CNOT10: variants seen among roughly 807,000 people sequenced by gnomAD.
The protein encoded by CNOT10 is CCR4-NOT transcription complex, subunit 10.
In CNOT10, 30 loss-of-function variants were observed where a neutral mutation model predicts 94.6. The observed-to-expected ratio is 0.32, with a 90% CI of 0.24 to 0.43. The LOEUF (loss-of-function observed/expected upper bound fraction) is 0.43, where lower values mean the gene tolerates loss of function less well. CNOT10 is among the 20% of genes least tolerant of loss of function. The pLI is 1.00. For missense variants in CNOT10, 759 were observed against 877.2 expected (o/e 0.87, Z 1.70); for synonymous variants, 289 against 301.6 (o/e 0.96, Z 0.43).
intron 13 of CNOT10, among the ~76,000 whole-genome samples, chr3:32,749,341 T>C (rs1018812213): frequency 2.0e-5 from 3 of 152,146 alleles, no homozygotes; most frequent in East Asian, 1.9e-4. Context: ...GGATTTACCA[T>C]GTCTTCCTAT....
In CNOT10 at chr3:32,696,212, A is replaced by G. The variant is rs113803277; in HGVS notation, c.23-7656A>G. On this transcript the variant is annotated intron_variant, in intron 1 of 18. Transcript: ENST00000328834. The stretch of plus-strand genomic sequence containing the variant: ...GCACCTATAATCCCAGCTACTCAGG[A>G]GGCTGAGGCAGGAGAATCACTTGAA... Among the ~76,000 whole-genome samples, 386 of 152,114 alleles carry G rather than the reference A, an allele frequency of 2.5e-3. 3 individuals carry two copies. Among genetic ancestry groups the G allele is most frequent in the African/African-American group, 8.8e-3 (364 of 41,468 alleles).
chr3:32,752,690 A>C (rs1700016647), intron 13 of CNOT10, among the ~76,000 whole-genome samples: 1 of 152,218 alleles, frequency 6.6e-6, no homozygotes, highest in South Asian at 2.1e-4. Flanking sequence ...AACAGTTGAA[A>C]GTTGGCTGAG....
At chr3:32,704,695 ATCTT>A (rs759295343) in intron 2 of CNOT10, 112 bp from the exon 3 acceptor site, 53 of 1,174,628 alleles carry the variant, frequency 4.5e-5, no homozygotes, top group Non-Finnish European at 6.1e-5. Flanking sequence ...GGGAAACTAC[ATCTT>A]TCTTTTTAAG....
chr3:32,746,573 T>A (rs981256211), intron 13 of CNOT10, among the ~76,000 whole-genome samples: 4 of 151,924 alleles, frequency 2.6e-5, no homozygotes, highest in African/African-American at 9.7e-5. Context: ...GCAGTGGCTC[T>A]CGCCTGTAAT....
chr3:32,687,219 A>T (rs1474452527), intron 1 of CNOT10, among the ~76,000 whole-genome samples: 1 of 151,806 alleles, frequency 6.6e-6, no homozygotes, highest in Admixed American at 6.6e-5. Flanking sequence ...TCTATGTCGC[A>T]TTGAGTAGTC....
chr3:32,760,853 G>A (rs779309036), intron 14 of CNOT10, among the ~76,000 whole-genome samples: 5 of 151,540 alleles, frequency 3.3e-5, no homozygotes, highest in South Asian at 2.1e-4. Flanking sequence ...TTAAGGCCAG[G>A]CGCTGTGGCT....
intron 8 of CNOT10, among the ~76,000 whole-genome samples, chr3:32,723,101 A>G (rs1035692818): frequency 6.6e-6 from 1 of 152,026 alleles, no homozygotes; most frequent in Non-Finnish European, 1.5e-5. Context: ...ATTTAGAAAA[A>G]CAATATTAAA....
chr3:32,764,342 A>C (rs962998859), intron 15 of CNOT10, 113 bp from the exon 16 acceptor site: 2 of 1,160,538 alleles, frequency 1.7e-6, no homozygotes, highest in Non-Finnish European at 2.4e-6. Context: ...ATCTCAAAAA[A>C]AAAAAAAAGA....
intron 1 of CNOT10, among the ~76,000 whole-genome samples, chr3:32,689,109 T>C (rs1045093788): frequency 2.6e-5 from 4 of 151,984 alleles, no homozygotes; most frequent in Admixed American, 6.6e-5. Flanking sequence ...TCCCAGGACT[T>C]TGGGAGGCCG....
intron 3 of CNOT10, among the ~76,000 whole-genome samples, chr3:32,705,174 A>C (rs1697556418): frequency 6.6e-6 from 1 of 152,126 alleles, no homozygotes; most frequent in Non-Finnish European, 1.5e-5. Flanking sequence ...TTGGGGTTTT[A>C]ATGAACTTGA....
At chr3:32,744,430 G>C (rs1699608220) in intron 13 of CNOT10, among the ~76,000 whole-genome samples, 1 of 151,958 alleles carries the variant, frequency 6.6e-6, no homozygotes, top group Non-Finnish European at 1.5e-5. Context: ...CACTTTTTAT[G>C]ATACGGGTTT....
Position 32,685,494 on chromosome 3 carries a change from A to G in CNOT10, c.22+12A>G, listed in dbSNP as rs751356590. 31 of 1,549,646 alleles carry G rather than the reference A, an allele frequency of 2.0e-5. No homozygotes were observed. The highest frequency in any genetic ancestry group is 3.3e-4 in the Middle Eastern group (2 of 6,010). On this transcript the variant is annotated intron_variant, in intron 1 of 18. Coordinates refer to ENST00000328834, the MANE Select transcript of CNOT10 (RefSeq NM_015442.3). ...AGACAAGCCTGCAGGTAGGGCGCCA[A>G]TGTCCCGAGCGACGAGACGGCGGGA...
intron 4 of CNOT10, among the ~76,000 whole-genome samples, chr3:32,711,704 G>C (rs7429514): frequency 0.039 from 5,951 of 152,296 alleles, 187 homozygotes; most frequent in African/African-American, 0.078. Flanking sequence ...TCCCACTGGA[G>C]GTAATGGGAT....
intron 14 of CNOT10, among the ~76,000 whole-genome samples, chr3:32,760,896 A>C (rs1027501256): frequency 2.0e-5 from 3 of 151,840 alleles, no homozygotes; most frequent in Non-Finnish European, 2.9e-5. Context: ...TGGGAGGCCT[A>C]CCTGGGCAAA....
Position 32,727,686 on chromosome 3 carries a change from G to C in CNOT10, c.1031G>C (p.Arg344Thr), listed in dbSNP as rs1356928259. 1 of 1,612,238 alleles carries C rather than the reference G, an allele frequency of 6.2e-7. No homozygotes were observed. The highest frequency in any genetic ancestry group is 1.3e-5 in the African/African-American group (1 of 74,958). ...STDPGKKFSG[R>T]PMCTLLTNKR... Reference sequence around the variant, plus strand: ...TCACTAGGTAAAAAATTTTCAGGAAGACCCATGTGTACGTTACTAACCAAT... The same window carrying C: ...TCACTAGGTAAAAAATTTTCAGGAACACCCATGTGTACGTTACTAACCAAT... Residue 344 changes from arginine (R) to threonine (T), a missense_variant, in exon 10 of 19, where the codon AGA becomes ACA. Physicochemically the swap from Arg to Thr is moderately conservative, Grantham distance 71 (BLOSUM62 -1). Coordinates refer to ENST00000328834, the MANE Select transcript of CNOT10 (RefSeq NM_015442.3).
At chr3:32,686,664 G>C (rs1396225086) in intron 1 of CNOT10, among the ~76,000 whole-genome samples, 1 of 152,178 alleles carries the variant, frequency 6.6e-6, no homozygotes, top group African/African-American at 2.4e-5. Flanking sequence ...ATGAGGGAGA[G>C]ACTATTAGAC....
At chr3:32,722,438 C>G (rs1208080007) in intron 8 of CNOT10, among the ~76,000 whole-genome samples, 1 of 152,196 alleles carries the variant, frequency 6.6e-6, no homozygotes, top group African/African-American at 2.4e-5. Flanking sequence ...AATGATCCCT[C>G]AAACTAAAAA....
rs187034590 is a variant in CNOT10 at position 32,690,122 on chromosome 3, A to T, written c.22+4640A>T. On this transcript the variant is annotated intron_variant, in intron 1 of 18. Coordinates refer to ENST00000328834, the MANE Select transcript of CNOT10 (RefSeq NM_015442.3). ...TAATGGGAAGAGAGTGGAAGTTTTC[A>T]ATAAGGGCATGATGGTGTGATCTGA... Among the ~76,000 whole-genome samples the T allele has an allele frequency of 1.6e-3, 246 of 152,286 alleles. 1 individual carries two copies. The highest frequency in any genetic ancestry group is 5.7e-3 in the African/African-American group (239 of 41,570).
chr3:32,742,635 G>T (rs2125594990), intron 13 of CNOT10, among the ~76,000 whole-genome samples: 1 of 152,270 alleles, frequency 6.6e-6, no homozygotes, highest in South Asian at 2.1e-4. Flanking sequence ...GCCCGCCTCA[G>T]CCTCCCACAG....
Sources: gnomAD v4.1 joint callset for allele counts (sites outside exome capture counted in the v4.1 genomes callset) on GRCh38, gnomAD v4.1.1 for gene constraint, MANE v1.5 for transcripts, NCBI Gene and HGNC (gene_info 2026-07-23, HGNC 2026-07-21) for gene names.